The following SPOCK1 variants were observed in gnomAD, a reference collection of about 807,000 sequenced individuals.
SPOCK1 encodes the protein testican-1.
SPOCK1 carries 23 observed loss-of-function variants against 55.3 expected under a neutral mutation model. That is an observed-to-expected ratio of 0.42 (90% CI 0.30 to 0.59). The LOEUF (loss-of-function observed/expected upper bound fraction) is 0.59. Among genes scored for constraint, SPOCK1 ranks in the 20% least tolerant of loss-of-function variants. SPOCK1 has a pLI of 0.22. For missense variants in SPOCK1, 499 were observed against 552.5 expected (o/e 0.90, Z 0.97); for synonymous variants, 226 against 221.0 (o/e 1.02, Z -0.20).
At chr5:137,034,503 A>C (rs571672238) in intron 6 of SPOCK1, among the ~76,000 whole-genome samples, 26 of 152,288 alleles carry the variant, frequency 1.7e-4, no homozygotes, top group African/African-American at 5.8e-4. Context: ...AGATGGCATG[A>C]CGGTGCACTC....
chr5:137,474,751 C>T (rs758850650), intron 2 of SPOCK1, among the ~76,000 whole-genome samples: 1 of 152,110 alleles, frequency 6.6e-6, no homozygotes, highest in Non-Finnish European at 1.5e-5. Flanking sequence ...ATGTCCATGA[C>T]AACACACTGA....
At chr5:137,248,550 T>C (rs1756444212) in intron 3 of SPOCK1, among the ~76,000 whole-genome samples, 1 of 151,490 alleles carries the variant, frequency 6.6e-6, no homozygotes. Flanking sequence ...TTACAAAATT[T>C]TGAGATGACT....
chr5:137,062,244 G>A (rs1752406295), intron 6 of SPOCK1, among the ~76,000 whole-genome samples: 3 of 152,128 alleles, frequency 2.0e-5, no homozygotes, highest in Admixed American at 2.0e-4. Flanking sequence ...ACATGGTGTG[G>A]ATAAGTGAGA....
chr5:137,437,081 G>A (rs1460479733), intron 2 of SPOCK1, among the ~76,000 whole-genome samples: 1 of 152,100 alleles, frequency 6.6e-6, no homozygotes, highest in Non-Finnish European at 1.5e-5. Context: ...CATGCTCAGT[G>A]CCAATTTTAT....
chr5:137,455,910 ACCTAGCTACACG>A (rs1753355268), intron 2 of SPOCK1, among the ~76,000 whole-genome samples: 1 of 152,066 alleles, frequency 6.6e-6, no homozygotes, highest in South Asian at 2.1e-4. Flanking sequence ...AGTGGTGCAC[ACCTAGCTACACG>A]GGAGGTGAAG....
At chr5:137,442,637 T>C (rs575490068) in intron 2 of SPOCK1, among the ~76,000 whole-genome samples, 1 of 152,334 alleles carries the variant, frequency 6.6e-6, no homozygotes, top group African/African-American at 2.4e-5. Context: ...CTTTACAATG[T>C]AGCTAAACAA....
Position 137,316,570 on chromosome 5 carries a change from T to C in SPOCK1, c.187-49515A>G, listed in dbSNP as rs567567149. The stretch of plus-strand genomic sequence containing the variant: ...AGCTTCCAGGCCCACAACCAGGACT[T>C]GTGACTCACAGTTTATTATTGACAA... On this transcript the variant is annotated intron_variant, in intron 2 of 10. Transcript: ENST00000394945. 2.6e-5 allele frequency among the ~76,000 whole-genome samples: 4 copies of C among 152,340 alleles called. No individual in the cohort carries two copies. In the South Asian group the frequency reaches 6.2e-4, roughly 24 times the overall value.
chr5:137,394,635 T>C (rs1024646350), intron 2 of SPOCK1, among the ~76,000 whole-genome samples: 12 of 152,214 alleles, frequency 7.9e-5, no homozygotes, highest in African/African-American at 2.9e-4. Context: ...CTCTCCCATC[T>C]GAACCAGAGC....
At chr5:136,982,493 C>T (rs924684776) in intron 9 of SPOCK1, among the ~76,000 whole-genome samples, 28 of 152,254 alleles carry the variant, frequency 1.8e-4, no homozygotes, top group African/African-American at 6.5e-4. Context: ...TTTCTTTATA[C>T]CTTGTCTTTT....
At chr5:137,292,439 A>T (rs1293741956) in intron 2 of SPOCK1, among the ~76,000 whole-genome samples, 9 of 15,396 alleles carry the variant, frequency 5.8e-4, no homozygotes, top group African/African-American at 1.9e-3. Flanking sequence ...AAAAAAAAAA[A>T]AAAAAAAAAA....
chr5:137,271,323 T>C (rs1371184507), intron 2 of SPOCK1, among the ~76,000 whole-genome samples: 1 of 150,538 alleles, frequency 6.6e-6, no homozygotes, highest in East Asian at 1.9e-4. Flanking sequence ...AGATATTCTG[T>C]TCAGATAAGC....
chr5:136,985,912 G>A (rs1404730762), intron 8 of SPOCK1, among the ~76,000 whole-genome samples: 5 of 152,128 alleles, frequency 3.3e-5, no homozygotes, highest in Non-Finnish European at 5.9e-5. Flanking sequence ...TGTGGCTCTG[G>A]GAGTTCTGCT....
intron 5 of SPOCK1, among the ~76,000 whole-genome samples, chr5:137,090,727 A>G (rs1218745823): frequency 6.6e-6 from 1 of 152,158 alleles, no homozygotes; most frequent in Non-Finnish European, 1.5e-5. Context: ...CTTCAGGAGG[A>G]AAAAGGGTCA....
At chr5:137,427,742 T>C (rs1752662887) in intron 2 of SPOCK1, among the ~76,000 whole-genome samples, 1 of 151,992 alleles carries the variant, frequency 6.6e-6, no homozygotes, top group Non-Finnish European at 1.5e-5. Context: ...ACCCCACCTC[T>C]ACCAAAAATA....
intron 2 of SPOCK1, among the ~76,000 whole-genome samples, chr5:137,442,155 T>C (rs1010856947): frequency 5.3e-5 from 8 of 152,224 alleles, no homozygotes; most frequent in African/African-American, 1.9e-4. Context: ...CCTCAGCTAG[T>C]CCAGCTGCAG....
chr5:137,080,240 A>G (rs1382943534), intron 5 of SPOCK1, among the ~76,000 whole-genome samples: 3 of 152,214 alleles, frequency 2.0e-5, no homozygotes, highest in Non-Finnish European at 4.4e-5. Context: ...CGTTTGGCCA[A>G]TGAAAGCCAG....
At chr5:137,324,067 A>G (rs1280117865) in intron 2 of SPOCK1, among the ~76,000 whole-genome samples, 1 of 152,036 alleles carries the variant, frequency 6.6e-6, no homozygotes, top group Admixed American at 6.5e-5. Flanking sequence ...AGAGGTGGAA[A>G]CCACACAAGT....
At chr5:136,986,710 TCAGTTA>T (rs1258987361) in intron 8 of SPOCK1, among the ~76,000 whole-genome samples, 1 of 151,914 alleles carries the variant, frequency 6.6e-6, no homozygotes, top group Non-Finnish European at 1.5e-5. Context: ...AACACCTATT[TCAGTTA>T]CAATGGTAGC....
intron 2 of SPOCK1, among the ~76,000 whole-genome samples, chr5:137,340,090 G>GA (rs5871634): frequency 0.21 from 31,783 of 148,296 alleles, 3,359 homozygotes; most frequent in East Asian, 0.26. Context: ...CTATTTCAAA[G>GA]AAAAAAAAAA....
Sources: gnomAD v4.1 joint callset for allele counts (sites outside exome capture counted in the v4.1 genomes callset) on GRCh38, gnomAD v4.1.1 for gene constraint, MANE v1.5 for transcripts, NCBI Gene and HGNC (gene_info 2026-07-23, HGNC 2026-07-21) for gene names.